The following TMEM132A variants were observed in gnomAD, a reference collection of about 807,000 sequenced individuals.
TMEM132A encodes the protein transmembrane protein 132A, also known as GRP78-binding protein.
A neutral mutation model predicts 69.9 loss-of-function variants in TMEM132A; 48 were observed. The ratio of observed to expected loss-of-function variants is 0.69; its 90% CI spans 0.55 to 0.87. The LOEUF (loss-of-function observed/expected upper bound fraction) is 0.87. Ranked by LOEUF, TMEM132A falls within the 40% of genes least tolerant of loss-of-function variation. The pLI is 0.00. For synonymous variants in TMEM132A, 577 were observed against 613.7 expected, an observed-to-expected ratio of 0.94 and a Z score of 0.88; for missense variants, 1,287 against 1,407.2, an observed-to-expected ratio of 0.91 and a Z score of 1.37.
In TMEM132A at chr11:60,935,185, C is replaced by A; in HGVS notation, c.1837-67C>A. 1 of 1,479,358 alleles carries A rather than the reference C, an allele frequency of 6.8e-7. No homozygotes were observed. The highest frequency in any genetic ancestry group is 9.2e-7 in the Non-Finnish European group (1 of 1,088,088). The allele number at this position is 1,479,358 out of a possible 1,614,324, so 91.6% of individuals were successfully genotyped here. A position where few individuals can be genotyped will look rare whatever the true frequency, so the allele number is the denominator to read the frequency against. On this transcript the variant is annotated intron_variant, in intron 9 of 10. Coordinates refer to ENST00000453848, the MANE Select transcript of TMEM132A (RefSeq NM_178031.3). This position sits in a 1 kb window ranked among gnomAD's most constrained non-coding sequence, Gnocchi z 5.0. ...AGCCCGTGAGGGTGCTGGGAGCACC[C>A]GGTTCCCTCTGGGTGGGGGCTGTCT...
intron 5 of TMEM132A, 122 bp downstream of exon 5, chr11:60,930,781 A>AT (rs1856464287): frequency 9.1e-6 from 9 of 990,518 alleles, no homozygotes; most frequent in East Asian, 5.9e-5. Flanking sequence ...CCAAGGACAG[A>AT]TTTTTTCAAG....
intron 5 of TMEM132A, 151 bp from the exon 6 acceptor site, chr11:60,931,538 C>T: frequency 1.3e-6 from 1 of 762,410 alleles, no homozygotes; most frequent in East Asian, 2.6e-5. Context: ...AGCCCCGCTA[C>T]TTTTTGCTGT....
In TMEM132A at chr11:60,934,642, G is replaced by T; in HGVS notation, c.1714G>T (p.Asp572Tyr). The T allele has an allele frequency of 6.3e-7, 1 of 1,593,776 alleles. No individual in the cohort carries two copies. Among genetic ancestry groups the T allele is most frequent in the Non-Finnish European group, 8.5e-7 (1 of 1,177,578 alleles). The stretch of plus-strand genomic sequence containing the variant: ...CCGCCTCACGCACCTGCTTGGCCCC[G>T]ACTGGCTGCTAGACGTGTCCCACCT... The part of the protein sequence containing the change: ...GRRLTHLLGP[D>Y]WLLDVSHLVA... The change falls in exon 9 of 11, where the codon GAC becomes TAC. Residue 572 changes from aspartate (D) to tyrosine (Y), a missense_variant. Coordinates refer to ENST00000453848, the MANE Select transcript of TMEM132A (RefSeq NM_178031.3).
rs745793728 is a variant in TMEM132A, at chr11:60,936,119, G to T, written c.2284G>T (p.Ala762Ser). 1 of 1,613,128 alleles carries T rather than the reference G, an allele frequency of 6.2e-7. No homozygotes were observed. Among genetic ancestry groups the T allele is most frequent in the African/African-American group, 1.3e-5 (1 of 75,030 alleles). ...RHRVPLASGT[A>S]WLGLPPASTP... ...CCGTGTGCCTCTGGCCTCTGGCACC[G>T]CCTGGCTGGGGCTGCCCCCTGCCTC... Residue 762 changes from alanine to serine, a missense_variant, in exon 11 of 11, where the codon GCC (alanine) becomes TCC (serine). Coordinates refer to ENST00000453848, the MANE Select transcript of TMEM132A (RefSeq NM_178031.3).
At chr11:60,928,526 C>G in intron 3 of TMEM132A, 103 bp from the exon 4 acceptor site, 1 of 1,131,874 alleles carries the variant, frequency 8.8e-7, no homozygotes, top group South Asian at 1.4e-5. Flanking sequence ...GCCTCCCTTT[C>G]ATGAGCCCCT....
intron 7 of TMEM132A, chr11:60,932,334 T>TA: frequency 3.7e-6 from 2 of 539,258 alleles, no homozygotes; most frequent in Non-Finnish European, 3.1e-6. Context: ...CCCCCGACCT[T>TA]AGACACTTTC....
At position 60,935,281 on chromosome 11, in the gene TMEM132A, G is replaced by T. The variant is rs546604116; in HGVS notation, c.1866G>T (p.Leu622=). 1.2e-6 allele frequency: 2 copies of T among 1,611,966 alleles called. No individual in the cohort carries two copies. The highest frequency in any genetic ancestry group is 8.5e-7 in the Non-Finnish European group (1 of 1,179,494). ...EVRSPLSDSI[L]GEQALAVTDD... ...GTTCCCCACTGTCTGACTCCATCCT[G>T]GGGGAGCAGGCGCTGGCTGTGACGG... The change falls in exon 10 of 11, where the codon CTG becomes CTT. Residue 622 remains leucine (L), a synonymous_variant. Transcript: ENST00000453848. This position sits in a 1 kb window ranked among gnomAD's most constrained non-coding sequence, Gnocchi z 5.0.
Position 60,932,065 on chromosome 11 carries a change from G to A in TMEM132A, c.1294G>A (p.Gly432Arg), listed in dbSNP as rs1284277624. ...PVRLVTVDGG[G>R]ALVEVTEHVG... ...GCGCCTTGTCACTGTGGACGGCGGG[G>A]GGGCCTTGGTGGAGGTGACAGAGCA... Residue 432 changes from glycine to arginine, a missense_variant, in exon 7 of 11, where the codon GGG becomes AGG. Physicochemically the swap from Gly to Arg is moderately radical, Grantham distance 125 (BLOSUM62 -2). Coordinates refer to ENST00000453848, the MANE Select transcript of TMEM132A (RefSeq NM_178031.3). 1 of 1,588,678 alleles carries A rather than the reference G, an allele frequency of 6.3e-7. No individual in the cohort carries two copies. Among genetic ancestry groups the A allele is most frequent in the Admixed American group, 1.8e-5 (1 of 56,098 alleles).
intron 5 of TMEM132A, among the ~76,000 whole-genome samples, chr11:60,931,030 G>A (rs756859595): frequency 3.9e-5 from 6 of 152,104 alleles, no homozygotes; most frequent in Non-Finnish European, 5.9e-5. Flanking sequence ...GCAGTTCTGC[G>A]GTTGTGAACT....
Position 60,924,706 on chromosome 11 carries a change from G to A in TMEM132A, c.73G>A (p.Val25Met), listed in dbSNP as rs775720019. The change falls in exon 1 of 11, where the codon GTG (valine) becomes ATG (methionine). Residue 25 changes from valine to methionine, a missense_variant. Transcript: ENST00000453848. The stretch of plus-strand genomic sequence containing the variant: ...CTACGGCCCCTGGCTCTGCCTCCTG[G>A]TGGCCCTCGCCCTGGACGTCGTGAG... ...GPYGPWLCLL[V>M]ALALDVVRVD... The A allele has an allele frequency of 6.3e-7, 1 of 1,587,622 alleles. No individual in the cohort carries two copies. The highest frequency in any genetic ancestry group is 8.5e-7 in the Non-Finnish European group (1 of 1,174,244).
In TMEM132A at chr11:60,927,806, C is replaced by A; in HGVS notation, c.481C>A (p.Arg161=). 1 of 1,612,248 alleles carries A rather than the reference C, an allele frequency of 6.2e-7. No homozygotes were observed. The highest frequency in any genetic ancestry group is 8.5e-7 in the Non-Finnish European group (1 of 1,179,948). ...PPGSGSLPCA[R]LHATHPAGTA... ...AGGGTCTGGCAGCCTGCCCTGTGCC[C>A]GGCTCCATGCCACACACCCTGCCGG... The change falls in exon 3 of 11, where the codon CGG becomes AGG. Residue 161 remains arginine (R), a synonymous_variant. Transcript: ENST00000453848.
At chr11:60,926,654 A>T (rs1856352252) in intron 1 of TMEM132A, 1 of 174,662 alleles carries the variant, frequency 5.7e-6, no homozygotes, top group African/African-American at 2.4e-5. Flanking sequence ...GCGCCCGCCC[A>T]TCCCACACTT....
chr11:60,933,993 G>A (rs73493078), intron 8 of TMEM132A: 8,322 of 560,076 alleles, frequency 0.015, 452 homozygotes, highest in African/African-American at 0.13. Context: ...CCTAATCTAC[G>A]TCAGTACTGG....
Position 60,924,749 on chromosome 11 carries a change from G to A in TMEM132A, c.100+16G>A. 5 of 1,517,824 alleles carry A rather than the reference G, an allele frequency of 3.3e-6. No homozygotes were observed. The highest frequency in any genetic ancestry group is 4.4e-6 in the Non-Finnish European group (5 of 1,139,534). 94.0% of individuals were successfully genotyped at this position (1,517,824 alleles called of 1,614,324 possible). A position where few individuals can be genotyped will look rare whatever the true frequency, so the allele number is the denominator to read the frequency against. ...GTCGTGAGAGGTCAGCGGGAGGGGA[G>A]GGCCGGGGCGAGGGGCGGCCGGGCC... On this transcript the variant is annotated intron_variant, in intron 1 of 10. Coordinates refer to ENST00000453848, the MANE Select transcript of TMEM132A (RefSeq NM_178031.3).
rs753145725 is a variant in TMEM132A at position 60,935,713 on chromosome 11, C to T, written c.2029-151C>T. The T allele has an allele frequency of 3.3e-5, 32 of 957,476 alleles. No homozygotes were observed. Among genetic ancestry groups the T allele is most frequent in the Non-Finnish European group, 4.4e-5 (28 of 639,744 alleles). The allele number at this position is 957,476 out of a possible 1,614,324, so 59.3% of individuals were successfully genotyped here. A position where few individuals can be genotyped will look rare whatever the true frequency, so the allele number is the denominator to read the frequency against. On this transcript the variant is annotated intron_variant, in intron 10 of 10. Coordinates refer to ENST00000453848, the MANE Select transcript of TMEM132A (RefSeq NM_178031.3). The surrounding 1 kb of genome is among the most constrained non-coding windows in gnomAD (Gnocchi z 5.0). ...GAGTGGCAGACAGGTGATTGACACG[C>T]GTCCCCTCTCTCCCTGTGTTTTGTC...
At chr11:60,933,475 A>G in intron 7 of TMEM132A, 67 bp from the exon 8 acceptor site, 1 of 1,404,202 alleles carries the variant, frequency 7.1e-7, no homozygotes, top group Admixed American at 2.0e-5. Context: ...TGAGCCACCC[A>G]CCCGGCCCAG....
intron 8 of TMEM132A, chr11:60,934,119 G>A (rs1056175963): frequency 8.1e-6 from 3 of 369,798 alleles, no homozygotes; most frequent in Non-Finnish European, 1.4e-5. Flanking sequence ...CAGAGCTCAG[G>A]AAATGAACAC....
intron 4 of TMEM132A, 68 bp downstream of exon 4, chr11:60,929,028 GCTC>G: frequency 6.6e-7 from 1 of 1,515,146 alleles, no homozygotes; most frequent in African/African-American, 1.4e-5. Flanking sequence ...ACAGGTACCT[GCTC>G]CTCCTGGGGT....
In TMEM132A at chr11:60,928,772, C is replaced by A. The variant is rs758396578; in HGVS notation, c.678C>A (p.Asp226Glu). 1.9e-6 allele frequency: 3 copies of A among 1,609,784 alleles called. No homozygotes were observed. In the East Asian group the frequency reaches 6.7e-5, roughly 36 times the overall value. ...PGGCGSGEEN[D>E]PGEQALPVGG... ...GCTGTGGCTCCGGCGAGGAGAACGA[C>A]CCTGGGGAGCAGGCCCTCCCAGTGG... The change falls in exon 4 of 11, where the codon GAC (aspartate) becomes GAA (glutamate). Residue 226 changes from aspartate (D) to glutamate (E), a missense_variant. Transcript: ENST00000453848.
Sources: allele counts gnomAD v4.1 joint callset (sites outside exome capture counted in the v4.1 genomes callset), GRCh38; gene constraint gnomAD v4.1.1; non-coding constraint Gnocchi (gnomAD v3.1); transcripts MANE v1.5; gene names NCBI Gene and HGNC (gene_info 2026-07-23, HGNC 2026-07-21).